Variants in CNTNAP2 observed in about 807,000 individuals in gnomAD.
CNTNAP2 encodes the protein contactin-associated protein-like 2.
Under a neutral mutation model 155.2 loss-of-function variants are expected in CNTNAP2, and 98 were observed. That is an observed-to-expected ratio of 0.63 (90% confidence interval 0.54 to 0.75). The LOEUF (loss-of-function observed/expected upper bound fraction) is 0.75, where lower values mean the gene tolerates loss of function less well. Among genes scored for constraint, CNTNAP2 ranks in the 30% least tolerant of loss-of-function variants. The pLI, the probability that CNTNAP2 is intolerant of heterozygous loss-of-function variation, is 0.00. For missense variants in CNTNAP2, 1,727 were observed against 1,688.1 expected (o/e 1.02, Z -0.40); for synonymous variants, 651 against 631.2 (o/e 1.03, Z -0.47).
At chr7:148,006,644 CA>C (rs5888302) in intron 15 of CNTNAP2, among the ~76,000 whole-genome samples, 210 of 61,428 alleles carry the variant, frequency 3.4e-3, no homozygotes, top group African/African-American at 8.5e-3. Context: ...ATATCCCAGA[CA>C]AAAAAAAAAA....
At chr7:147,250,743 C>G (rs1804179320) in intron 8 of CNTNAP2, among the ~76,000 whole-genome samples, 2 of 152,120 alleles carry the variant, frequency 1.3e-5, no homozygotes, top group African/African-American at 4.8e-5. Flanking sequence ...CTTGTATCAT[C>G]TACATCACTT....
chr7:147,022,405 T>C (rs1798832246), intron 3 of CNTNAP2, among the ~76,000 whole-genome samples: 1 of 152,148 alleles, frequency 6.6e-6, no homozygotes, highest in Admixed American at 6.6e-5. Flanking sequence ...TTCATTTTTA[T>C]GGCAAAGTTT....
intron 10 of CNTNAP2, among the ~76,000 whole-genome samples, chr7:147,415,975 G>A (rs747553077): frequency 4.6e-5 from 7 of 152,070 alleles, no homozygotes; most frequent in Admixed American, 2.6e-4. Flanking sequence ...CCACCCAAAC[G>A]CCCTGCATTA....
At chr7:147,467,316 C>T (rs920638380) in intron 10 of CNTNAP2, among the ~76,000 whole-genome samples, 7 of 152,156 alleles carry the variant, frequency 4.6e-5, no homozygotes, top group Non-Finnish European at 8.8e-5. Context: ...TGTAGGCATT[C>T]GGAAGAATAA....
At chr7:146,827,952 A>G (rs934494353) in intron 2 of CNTNAP2, among the ~76,000 whole-genome samples, 4 of 152,114 alleles carry the variant, frequency 2.6e-5, no homozygotes, top group African/African-American at 9.6e-5. Flanking sequence ...TTTTTCACAC[A>G]TAAGACTTCA....
At chr7:147,326,366 A>G (rs531530810) in intron 9 of CNTNAP2, among the ~76,000 whole-genome samples, 21 of 152,334 alleles carry the variant, frequency 1.4e-4, no homozygotes, top group South Asian at 8.3e-4. Context: ...AGCATATGTC[A>G]GAATTTTGAT....
At chr7:147,405,880 G>A (rs1200293957) in intron 10 of CNTNAP2, among the ~76,000 whole-genome samples, 1 of 152,080 alleles carries the variant, frequency 6.6e-6, no homozygotes, top group African/African-American at 2.4e-5. Flanking sequence ...GAAATGGTTT[G>A]ATAAAAAGGC....
intron 1 of CNTNAP2, among the ~76,000 whole-genome samples, chr7:146,441,722 G>A (rs1265786831): frequency 6.6e-6 from 1 of 151,446 alleles, no homozygotes; most frequent in East Asian, 1.9e-4. Flanking sequence ...GCTCCTCTCA[G>A]CATCGCCTCT....
intron 1 of CNTNAP2, among the ~76,000 whole-genome samples, chr7:146,483,768 G>A (rs1191408102): frequency 6.6e-6 from 1 of 152,046 alleles, no homozygotes; most frequent in East Asian, 1.9e-4. Flanking sequence ...CAACGTGTTT[G>A]TGTTTTGAGT....
intron 1 of CNTNAP2, among the ~76,000 whole-genome samples, chr7:146,318,558 A>G (rs1473329557): frequency 6.6e-6 from 1 of 152,184 alleles, no homozygotes; most frequent in African/African-American, 2.4e-5. Flanking sequence ...TGATTGTTCA[A>G]CTTAATGCCT....
At position 146,402,135 on chromosome 7, in the gene CNTNAP2, C is replaced by T. The variant is rs28512358; in HGVS notation, c.97+285162C>T. 1.4e-4 allele frequency among the ~76,000 whole-genome samples: 22 copies of T among 152,130 alleles called. No homozygotes were observed. The East Asian group carries it at 1.5e-3, about 11-fold the overall frequency. On this transcript the variant is annotated intron_variant, in intron 1 of 23. Transcript: ENST00000361727. ...ATGATCTTTTATACAATTTACATTGCGCAACTGTACCACTTATATTCTTAA... is the reference window on the plus strand; with the variant it reads ...ATGATCTTTTATACAATTTACATTGTGCAACTGTACCACTTATATTCTTAA...
intron 21 of CNTNAP2, among the ~76,000 whole-genome samples, chr7:148,351,744 C>CGAAAAAAAA (rs1798430215): frequency 2.3e-5 from 2 of 85,396 alleles, no homozygotes; most frequent in African/African-American, 5.1e-5. Context: ...CTCTGTCTCA[C>CGAAAAAAAA]AAAAAAAAAA....
chr7:147,778,687 AT>A (rs1338632354), intron 13 of CNTNAP2, among the ~76,000 whole-genome samples: 3 of 152,268 alleles, frequency 2.0e-5, no homozygotes, highest in Admixed American at 1.3e-4. Context: ...TTTTTACTGT[AT>A]TTTTGGTAGA....
intron 1 of CNTNAP2, among the ~76,000 whole-genome samples, chr7:146,517,400 G>C (rs1797556596): frequency 6.6e-6 from 1 of 151,970 alleles, no homozygotes; most frequent in Admixed American, 6.6e-5. Context: ...CATTTCAGCT[G>C]AAACTTGAAT....
intron 1 of CNTNAP2, among the ~76,000 whole-genome samples, chr7:146,750,693 A>C (rs988415053): frequency 6.6e-6 from 1 of 152,190 alleles, no homozygotes; most frequent in African/African-American, 2.4e-5. Context: ...CTTAATATTT[A>C]GTTCATTTTT....
At chr7:146,617,113 G>A (rs1231282266) in intron 1 of CNTNAP2, among the ~76,000 whole-genome samples, 3 of 152,124 alleles carry the variant, frequency 2.0e-5, no homozygotes, top group African/African-American at 4.8e-5. Context: ...TCTGCCTCCC[G>A]GGTTCACGCC....
intron 3 of CNTNAP2, among the ~76,000 whole-genome samples, chr7:146,879,296 A>AT (rs1268652437): frequency 7.9e-5 from 12 of 152,252 alleles, no homozygotes; most frequent in Admixed American, 3.3e-4. Context: ...ACCATTCTGG[A>AT]TTTTTTAAAA....
At chr7:148,108,407 G>A (rs1211489651) in intron 15 of CNTNAP2, among the ~76,000 whole-genome samples, 2 of 151,874 alleles carry the variant, frequency 1.3e-5, no homozygotes, top group African/African-American at 4.8e-5. Flanking sequence ...AGGGAGTACA[G>A]AGTTTTGGAA....
chr7:147,559,378 T>C (rs1302458546), intron 11 of CNTNAP2, among the ~76,000 whole-genome samples: 1 of 152,196 alleles, frequency 6.6e-6, no homozygotes, highest in Non-Finnish European at 1.5e-5. Flanking sequence ...CTTGTACACA[T>C]AGATGAAGAT....
Sources: gnomAD v4.1 joint callset for allele counts (sites outside exome capture counted in the v4.1 genomes callset) on GRCh38, gnomAD v4.1.1 for gene constraint, MANE v1.5 for transcripts, NCBI Gene and HGNC (gene_info 2026-07-23, HGNC 2026-07-21) for gene names.